HPS4: variants seen among roughly 807,000 people sequenced by gnomAD.
HPS4 encodes the protein HPS4 biogenesis of lysosomal organelles complex 3 subunit 2, also known as BLOC-3 complex member HPS4.
HPS4 carries 44 observed loss-of-function variants against 70.3 expected under a neutral mutation model. That is an observed-to-expected ratio of 0.63 (90% CI 0.49 to 0.80). The LOEUF (loss-of-function observed/expected upper bound fraction) is 0.80, where lower values mean the gene tolerates loss of function less well. Ranked by LOEUF, HPS4 falls within the 30% of genes least tolerant of loss-of-function variation. The probability of loss-of-function intolerance (pLI) is 0.00; values close to 1 mark genes in which losing one functional copy is unlikely to be tolerated. For synonymous variants in HPS4, 377 were observed against 355.9 expected, an observed-to-expected ratio of 1.06 and a Z score of -0.67; for missense variants, 873 against 884.4, an observed-to-expected ratio of 0.99 and a Z score of 0.16.
intron 8 of HPS4, chr22:26,467,211 A>G (rs931365669): frequency 1.3e-5 from 2 of 152,274 alleles, no homozygotes; most frequent in African/African-American, 4.8e-5. Flanking sequence ...TGAGTAAATT[A>G]ATCATTTACC....
In HPS4 at chr22:26,451,492, A is replaced by T. The variant is rs949561812; in HGVS notation, c.*1741T>A. ...CACACCTGCAAAGTGAAGTTTCAGGACTTTACTTTTTCTGAGTTAATCCAG... is the reference window on the plus strand; with the variant it reads ...CACACCTGCAAAGTGAAGTTTCAGGTCTTTACTTTTTCTGAGTTAATCCAG... On this transcript the variant is annotated 3_prime_UTR_variant, in exon 14 of 14. Transcript: ENST00000398145. 2 of 152,196 alleles carry T rather than the reference A, an allele frequency of 1.3e-5. No individual in the cohort carries two copies. The highest frequency in any genetic ancestry group is 4.8e-5 in the African/African-American group (2 of 41,440). The allele number at this position is 152,196 out of a possible 1,614,324, so 9.4% of individuals were successfully genotyped here. A position where few individuals can be genotyped will look rare whatever the true frequency, so the allele number is the denominator to read the frequency against.
intron 8 of HPS4, chr22:26,468,233 CA>C (rs2089087336): frequency 2.5e-6 from 1 of 392,608 alleles, no homozygotes; most frequent in African/African-American, 2.1e-5. Context: ...ACATCCTTTA[CA>C]GTCTGTCTCT....
chr22:26,464,168 G>A lies in HPS4; in HGVS notation c.1462C>T (p.Gln488Ter), dbSNP rs2087949483. ...QRGNKLPTGE[Q>*]GLDEDVDGVC... ...CCATCAACATCCTCATCCAGGCCTT[G>A]TTCCCCCGTGGGAAGCTTGTTTCCT... is the stretch of plus-strand genomic sequence containing the variant. The change falls in exon 11 of 14, where the codon CAA (glutamine) becomes TAA (stop). Residue 488 changes from glutamine to a stop codon, truncating the protein, a stop_gained. Transcript: ENST00000398145. LOFTEE classifies it high-confidence loss of function. The A allele has an allele frequency of 6.2e-7, 1 of 1,614,250 alleles. No individual in the cohort carries two copies. The highest frequency in any genetic ancestry group is 2.2e-5 in the East Asian group (1 of 44,886).
chr22:26,459,533 C>A (rs536492562), intron 11 of HPS4, among the ~76,000 whole-genome samples: 1 of 152,202 alleles, frequency 6.6e-6, no homozygotes, highest in African/African-American at 2.4e-5. Flanking sequence ...CCACTGAGGG[C>A]TTGACTCAGT....
downstream of HPS4, chr22:26,443,398 G>A: frequency 1.8e-6 from 1 of 542,646 alleles, no homozygotes; most frequent in Non-Finnish European, 3.3e-6. Flanking sequence ...TTTTCGGCTT[G>A]TATTTCCTTA....
At chr22:26,476,842 G>C (rs2090613883) in intron 4 of HPS4, 151 bp downstream of exon 4, 1 of 780,200 alleles carries the variant, frequency 1.3e-6, no homozygotes. Flanking sequence ...AACCTGCAGA[G>C]AGTACCACAG....
intron 11 of HPS4, among the ~76,000 whole-genome samples, chr22:26,460,630 C>T (rs1413222937): frequency 6.6e-6 from 1 of 152,214 alleles, no homozygotes; most frequent in Non-Finnish European, 1.5e-5. Context: ...GATCACTTAA[C>T]CATAAAAACA....
intron 4 of HPS4, chr22:26,476,326 T>G (rs2090538685): frequency 6.6e-6 from 1 of 152,084 alleles, no homozygotes; most frequent in Non-Finnish European, 1.5e-5. Context: ...TATATGCTAC[T>G]ATTAGAATGT....
Position 26,465,691 on chromosome 22 carries a change from A to C in HPS4, c.707-140T>G, listed in dbSNP as rs546202140. 30 of 702,922 alleles carry C rather than the reference A, an allele frequency of 4.3e-5. No homozygotes were observed. The African/African-American group carries it at 4.6e-4, about 11-fold the overall frequency. The allele number at this position is 702,922 out of a possible 1,614,324, so 43.5% of individuals were successfully genotyped here. The stretch of plus-strand genomic sequence containing the variant: ...TGTGAGTGCATTCCTCAGCCAGGAC[A>C]CAGGTTGCCAAACTGCACCTCGAAC... On this transcript the variant is annotated intron_variant, in intron 9 of 13. Coordinates refer to ENST00000398145, the MANE Select transcript of HPS4 (RefSeq NM_022081.6).
intron 9 of HPS4, 125 bp from the exon 10 acceptor site, chr22:26,465,676 T>C (rs1268172436): frequency 3.9e-6 from 3 of 766,932 alleles, no homozygotes. Flanking sequence ...TGTGAGTGCA[T>C]TCCTCAGCCA....
chr22:26,473,452 G>C (rs1320845969), intron 4 of HPS4, among the ~76,000 whole-genome samples: 1 of 152,206 alleles, frequency 6.6e-6, no homozygotes, highest in Non-Finnish European at 1.5e-5. Flanking sequence ...AAAATGCTGA[G>C]CGTAGTGGTT....
downstream of HPS4, among the ~76,000 whole-genome samples, chr22:26,446,692 G>A (rs529601876): frequency 6.6e-6 from 1 of 152,276 alleles, no homozygotes; most frequent in African/African-American, 2.4e-5. Flanking sequence ...CACCGGGCAG[G>A]CCACCTAAGC....
At position 26,453,157 on chromosome 22, in the gene HPS4, G is replaced by C. The variant is rs1601765123; in HGVS notation, c.*76C>G. 1 of 1,389,114 alleles carries C rather than the reference G, an allele frequency of 7.2e-7. No homozygotes were observed. The highest frequency in any genetic ancestry group is 1.0e-6 in the Non-Finnish European group (1 of 988,024). 86.0% of individuals were successfully genotyped at this position (1,389,114 alleles called of 1,614,324 possible). A position where few individuals can be genotyped will look rare whatever the true frequency, so the allele number is the denominator to read the frequency against. On this transcript the variant is annotated 3_prime_UTR_variant, in exon 14 of 14. Coordinates refer to ENST00000398145, the MANE Select transcript of HPS4 (RefSeq NM_022081.6). ...GAATGTTTTCAAGAAAAATAAAATA[G>C]AGGGGCCTTTTCAATTATAAAAGGC...
At chr22:26,447,198 T>C (rs975543069), downstream of HPS4, among the ~76,000 whole-genome samples, 30 of 152,218 alleles carry the variant, frequency 2.0e-4, no homozygotes, top group African/African-American at 6.5e-4. Context: ...GGACACGTGA[T>C]CCAAGTTCTT....
intron 4 of HPS4, 73 bp from the exon 5 acceptor site, chr22:26,473,012 G>A: frequency 7.4e-7 from 1 of 1,348,808 alleles, no homozygotes; most frequent in Admixed American, 1.7e-5. Context: ...CTGGCATCCA[G>A]GGCTCTCAAT....
downstream of HPS4, among the ~76,000 whole-genome samples, chr22:26,446,223 T>C (rs1404167346): frequency 6.6e-6 from 1 of 152,026 alleles, no homozygotes; most frequent in Non-Finnish European, 1.5e-5. Flanking sequence ...TCCCATGTAC[T>C]CAAGGCCAGA....
chr22:26,457,210 C>CCTTTTT lies in HPS4; in HGVS notation c.1955+648_1955+649insAAAAAG, dbSNP rs386395106. ...ATGACTGTATGATCAGCACGTATTA[C>CCTTTTT]TTTTTTTTTTTTTTTTTTTTTTCTG... On this transcript the variant is annotated intron_variant, in intron 13 of 13. Coordinates refer to ENST00000398145, the MANE Select transcript of HPS4 (RefSeq NM_022081.6). Among the ~76,000 whole-genome samples, 47 of 25,580 alleles carry CCTTTTT rather than the reference C, an allele frequency of 1.8e-3. 12 individuals are homozygous for CCTTTTT. Among genetic ancestry groups the CCTTTTT allele is most frequent in the South Asian group, 2.5e-3 (1 of 406 alleles). 16.8% of individuals were successfully genotyped at this position (25,580 alleles called of 152,430 possible).
chr22:26,473,008 T>C, intron 4 of HPS4, 69 bp from the exon 5 acceptor site: 1 of 1,367,012 alleles, frequency 7.3e-7, no homozygotes, highest in Non-Finnish European at 1.0e-6. Flanking sequence ...AATCCTGGCA[T>C]CCAGGGCTCT....
At chr22:26,445,960 C>T (rs1199097167), downstream of HPS4, among the ~76,000 whole-genome samples, 1 of 152,220 alleles carries the variant, frequency 6.6e-6, no homozygotes, top group Non-Finnish European at 1.5e-5. Context: ...CCGCATGTTT[C>T]CACCTGCAAG....
Sources: gnomAD v4.1 joint callset for allele counts (sites outside exome capture counted in the v4.1 genomes callset) on GRCh38, gnomAD v4.1.1 for gene constraint, MANE v1.5 for transcripts, NCBI Gene and HGNC (gene_info 2026-07-23, HGNC 2026-07-21) for gene names.